Variants in PTGER3 observed in about 807,000 individuals in gnomAD.
PTGER3 encodes prostaglandin E receptor 3, also known as prostaglandin E2 receptor EP3 subtype.
PTGER3 carries 22 observed loss-of-function variants against 34.7 expected under a neutral mutation model. The ratio of observed to expected loss-of-function variants is 0.63; its 90% CI spans 0.45 to 0.91. The LOEUF is 0.91. Ranked by LOEUF, PTGER3 falls within the 40% of genes least tolerant of loss-of-function variation. The pLI is 0.00. For missense variants in PTGER3, 468 were observed against 519.4 expected, an observed-to-expected ratio of 0.90 and a Z score of 0.96; for synonymous variants, 241 against 230.1, an observed-to-expected ratio of 1.05 and a Z score of -0.43.
At chr1:70,940,368 A>G (rs1175570286) in intron 4 of PTGER3, among the ~76,000 whole-genome samples, 4 of 152,184 alleles carry the variant, frequency 2.6e-5, no homozygotes, top group Non-Finnish European at 4.4e-5. Context: ...AACTGTTCCA[A>G]TCTCCGCCTA....
chr1:70,980,554 A>G (rs2100719872), intron 2 of PTGER3, among the ~76,000 whole-genome samples: 1 of 152,148 alleles, frequency 6.6e-6, no homozygotes, highest in Middle Eastern at 3.4e-3. Flanking sequence ...CCTGGAGCCT[A>G]GGAATTTGAG....
downstream of PTGER3, among the ~76,000 whole-genome samples, chr1:70,948,314 G>GT (rs1347481697): frequency 1.3e-5 from 2 of 152,024 alleles, no homozygotes; most frequent in Non-Finnish European, 2.9e-5. Flanking sequence ...AGATCTGATG[G>GT]TTTTATAACG....
intron 2 of PTGER3, chr1:71,008,755 G>C: frequency 3.1e-6 from 3 of 967,272 alleles, no homozygotes; most frequent in East Asian, 2.3e-4. Flanking sequence ...TATAAAACAA[G>C]CAATAAACAA....
intron 2 of PTGER3, among the ~76,000 whole-genome samples, chr1:70,980,425 G>A (rs1263953092): frequency 6.6e-6 from 1 of 152,008 alleles, no homozygotes; most frequent in Non-Finnish European, 1.5e-5. Context: ...CCTTCTTGGT[G>A]GAATGGGAAT....
intron 2 of PTGER3, among the ~76,000 whole-genome samples, chr1:70,998,582 T>G (rs1656188132): frequency 1.3e-5 from 2 of 152,310 alleles, no homozygotes; most frequent in Admixed American, 6.5e-5. Flanking sequence ...CAGTCATCAC[T>G]TGGGAAGTAA....
At chr1:71,030,820 C>G (rs1659344497) in intron 1 of PTGER3, among the ~76,000 whole-genome samples, 1 of 148,196 alleles carries the variant, frequency 6.7e-6, no homozygotes, top group Non-Finnish European at 1.5e-5. Context: ...ATTATCTGAC[C>G]CAGACAATTT....
intron 1 of PTGER3, among the ~76,000 whole-genome samples, chr1:71,039,649 C>CAAAAAAAAAAAAA (rs1183485427): frequency 7.9e-4 from 43 of 54,212 alleles, no homozygotes; most frequent in African/African-American, 1.0e-3. Flanking sequence ...GACTCTGTCT[C>CAAAAAAAAAAAAA]AAAAAAAAAA....
intron 4 of PTGER3, among the ~76,000 whole-genome samples, chr1:70,933,985 T>C (rs949645150): frequency 6.6e-6 from 1 of 152,148 alleles, no homozygotes; most frequent in African/African-American, 2.4e-5. Context: ...AGTATGCACA[T>C]GGAAGAATAG....
rs1015573884 is a variant in PTGER3 at position 70,910,548 on chromosome 1, A to G, written c.*23+43215T>C. Among the ~76,000 whole-genome samples, 7 of 152,210 alleles carry G rather than the reference A, an allele frequency of 4.6e-5. No homozygotes were observed. In the East Asian group the frequency reaches 1.3e-3, roughly 29 times the overall value. ...CTCAGTCTCCCAAGTGACTGGGATT[A>G]CAGGTATGAGCCACTGACTGTAGCT... On this transcript the variant is annotated intron_variant, in intron 4 of 4. Transcript: ENST00000370931.
intron 1 of PTGER3, among the ~76,000 whole-genome samples, chr1:71,032,393 G>GA (rs779751363): frequency 5.3e-5 from 8 of 152,228 alleles, no homozygotes; most frequent in Admixed American, 6.5e-5. Context: ...CAAAACAATA[G>GA]AAAAAATCTA....
intron 4 of PTGER3, among the ~76,000 whole-genome samples, chr1:70,908,360 C>G (rs746633318): frequency 1.3e-5 from 2 of 152,290 alleles, no homozygotes; most frequent in South Asian, 4.1e-4. Context: ...TGCCACTGCT[C>G]TTAGGAGCAG....
chr1:70,855,670 A>G (rs1054405202), intron 4 of PTGER3, among the ~76,000 whole-genome samples: 1 of 152,178 alleles, frequency 6.6e-6, no homozygotes, highest in Non-Finnish European at 1.5e-5. Context: ...CAGAGTATTA[A>G]TATCTGTTCA....
chr1:70,859,184 C>G (rs1645874931), intron 4 of PTGER3, among the ~76,000 whole-genome samples: 1 of 152,178 alleles, frequency 6.6e-6, no homozygotes, highest in Non-Finnish European at 1.5e-5. Flanking sequence ...TGAATTTCAT[C>G]CTCTTGCTCA....
chr1:70,937,811 A>G lies in PTGER3; in HGVS notation c.*23+15952T>C, dbSNP rs534151634. On this transcript the variant is annotated intron_variant, in intron 4 of 4. Transcript: ENST00000370931. ...TACCCTTTTAAAGAAATAAAAGTTAATCATTGTTTATTATGTTTATGCATC... is the reference window on the plus strand; with the variant it reads ...TACCCTTTTAAAGAAATAAAAGTTAGTCATTGTTTATTATGTTTATGCATC... Among the ~76,000 whole-genome samples, 199 of 152,274 alleles carry G rather than the reference A, an allele frequency of 1.3e-3. 1 individual carries two copies. Among genetic ancestry groups the G allele is most frequent in the African/African-American group, 4.6e-3 (193 of 41,554 alleles).
chr1:70,894,940 C>T (rs12046641), intron 4 of PTGER3, among the ~76,000 whole-genome samples: 45,113 of 152,042 alleles, frequency 0.3, 6,962 homozygotes, highest in South Asian at 0.46. Flanking sequence ...ACTTTCTTAG[C>T]ATTCCCTTAG....
chr1:70,981,329 TTCTTTCTTTCTTTCTTTCTTTCTTTC>T (rs1286656985), intron 2 of PTGER3, among the ~76,000 whole-genome samples: 2 of 47,396 alleles, frequency 4.2e-5, no homozygotes, highest in African/African-American at 1.9e-4. Flanking sequence ...TCTTCTTTCT[TTCTTTCTTTCTTTCTTTCTTTCTTTC>T]TTTCTTTCTT....
intron 2 of PTGER3, among the ~76,000 whole-genome samples, chr1:70,992,063 G>A (rs1285831060): frequency 6.6e-6 from 1 of 152,214 alleles, no homozygotes; most frequent in Non-Finnish European, 1.5e-5. Context: ...CCAGAGGAAA[G>A]TACTAATACC....
chr1:71,004,396 G>C (rs1656757371), intron 2 of PTGER3, among the ~76,000 whole-genome samples: 1 of 152,124 alleles, frequency 6.6e-6, no homozygotes. Context: ...CTAGACCTGA[G>C]GAATTGAAGA....
Position 70,961,324 on chromosome 1 carries a change from A to G in PTGER3, c.1078-7535T>C, listed in dbSNP as rs188016529. On this transcript the variant is annotated intron_variant, in intron 2 of 3. Transcript: ENST00000356595. ...CTTTTTTAGCATCTGTTGTTTTTCC[A>G]CTTGGTTTCAGTGAATTTTGCAATA... Among the ~76,000 whole-genome samples, 8 of 152,312 alleles carry G rather than the reference A, an allele frequency of 5.3e-5. No individual in the cohort carries two copies. In the East Asian group the frequency reaches 9.7e-4, roughly 18 times the overall value.
Sources: allele counts gnomAD v4.1 joint callset (sites outside exome capture counted in the v4.1 genomes callset), GRCh38; gene constraint gnomAD v4.1.1; transcripts MANE v1.5; gene names NCBI Gene and HGNC (gene_info 2026-07-23, HGNC 2026-07-21).